Variants in ALG12 observed in about 807,000 individuals in gnomAD.
ALG12 encodes ALG12 alpha-1,6-mannosyltransferase.
In ALG12, 36 loss-of-function variants were observed where a neutral mutation model predicts 46.0. The ratio of observed to expected loss-of-function variants is 0.78; its 90% CI spans 0.60 to 1.03. The LOEUF is 1.03. ALG12 is among the 50% of genes least tolerant of loss of function. The pLI is 0.00. For synonymous variants in ALG12, 326 were observed against 291.6 expected, an observed-to-expected ratio of 1.12 and a Z score of -1.20; for missense variants, 599 against 633.5, an observed-to-expected ratio of 0.95 and a Z score of 0.58.
At chr22:49,904,579 T>C in intron 7 of ALG12, 73 bp from the exon 8 acceptor site, 1 of 1,544,048 alleles carries the variant, frequency 6.5e-7, no homozygotes, top group East Asian at 2.3e-5. Context: ...CAAAACATAC[T>C]AGGAGCATAA....
chr22:49,904,284 C>T (rs2060530910), intron 8 of ALG12, 30 bp from the exon 9 acceptor site: 1 of 1,614,064 alleles, frequency 6.2e-7, no homozygotes, highest in Admixed American at 1.7e-5. Context: ...CGTCAGAGCC[C>T]AGCCCTGCAG....
the ALG12 span, chr22:49,886,288 G>A: frequency 6.9e-7 from 1 of 1,447,536 alleles, no homozygotes; most frequent in Non-Finnish European, 9.5e-7. The surrounding 1 kb of genome is among the most constrained non-coding windows in gnomAD (Gnocchi z 7.7). Context: ...GCTGCAGAGG[G>A]AGTACGCGCT....
At chr22:49,870,639 G>C in the ALG12 span, among the ~76,000 whole-genome samples, 1 of 152,006 alleles carries the variant, frequency 6.6e-6, no homozygotes, top group African/African-American at 2.4e-5. Context: ...AGAAGTATCT[G>C]TTCATGTCCT....
At chr22:49,915,882 G>A (rs2060606502) in intron 1 of ALG12, among the ~76,000 whole-genome samples, 1 of 152,236 alleles carries the variant, frequency 6.6e-6, no homozygotes, top group Non-Finnish European at 1.5e-5. Flanking sequence ...CTGCCGCACA[G>A]TAGGCACTCA....
chr22:49,889,061 C>T, the ALG12 span: 1 of 167,264 alleles, frequency 6.0e-6, no homozygotes, highest in Admixed American at 6.5e-5. Context: ...GCCAGCACAA[C>T]TAACTGTAGC....
rs1336412644 is a variant in ALG12, at chr22:49,900,964, G to A, written c.*2874C>T. On this transcript the variant is annotated 3_prime_UTR_variant, in exon 10 of 10. Transcript: ENST00000330817. ...ACCAAAGGGAGCCAAGACCCACAGAGCAATGGCCGAGGCCAGAGGCCCAAG... is the reference window on the plus strand; with the variant it reads ...ACCAAAGGGAGCCAAGACCCACAGAACAATGGCCGAGGCCAGAGGCCCAAG... The A allele has an allele frequency of 6.6e-6, 1 of 152,276 alleles. No homozygotes were observed. Among genetic ancestry groups the A allele is most frequent in the East Asian group, 1.9e-4 (1 of 5,204 alleles). 9.4% of individuals were successfully genotyped at this position (152,276 alleles called of 1,614,324 possible). A position where few individuals can be genotyped will look rare whatever the true frequency, so the allele number is the denominator to read the frequency against.
At chr22:49,884,106 C>T in the ALG12 span, 64 of 1,613,332 alleles carry the variant, frequency 4.0e-5, no homozygotes, top group African/African-American at 6.8e-4. Flanking sequence ...GAGGCAAAAA[C>T]GAGAAAGACT....
At chr22:49,887,209 G>A in the ALG12 span, 59 of 1,576,134 alleles carry the variant, frequency 3.7e-5, no homozygotes, top group African/African-American at 6.8e-5. Flanking sequence ...GGCCAGAGGC[G>A]TGGCTGCCCC....
At chr22:49,871,764 T>TTA in the ALG12 span, among the ~76,000 whole-genome samples, 1 of 150,342 alleles carries the variant, frequency 6.7e-6, no homozygotes, top group Non-Finnish European at 1.5e-5. Flanking sequence ...TTTATTTTTT[T>TTA]TTTTTTTTGA....
intron 1 of ALG12, among the ~76,000 whole-genome samples, chr22:49,915,757 C>G (rs1225030728): frequency 6.6e-6 from 1 of 152,148 alleles, no homozygotes; most frequent in Non-Finnish European, 1.5e-5. Context: ...AGCCTCAGCA[C>G]CAAGGACAGA....
At chr22:49,908,410 C>G (rs935182869) in intron 6 of ALG12, among the ~76,000 whole-genome samples, 1 of 143,828 alleles carries the variant, frequency 7.0e-6, no homozygotes. Flanking sequence ...TGCCTGTAAT[C>G]CCAGCTACTC....
In ALG12 at chr22:49,906,430, A is replaced by G. The variant is rs7410291; in HGVS notation, c.992+1291T>C. 0.36 allele frequency among the ~76,000 whole-genome samples: 54,414 copies of G among 151,980 alleles called. 13,900 individuals carry two copies. Among genetic ancestry groups the G allele is most frequent in the African/African-American group, 0.73 (30,210 of 41,420 alleles). Reference sequence around the variant, plus strand: ...CCACTGAGGCGCGGCTACAGCAGCCAGAGGAGCCCCCAACCCAGGCACGGC... The same window carrying G: ...CCACTGAGGCGCGGCTACAGCAGCCGGAGGAGCCCCCAACCCAGGCACGGC... On this transcript the variant is annotated intron_variant, in intron 7 of 9. Coordinates refer to ENST00000330817, the MANE Select transcript of ALG12 (RefSeq NM_024105.4). This position sits in a 1 kb window ranked among gnomAD's most constrained non-coding sequence, Gnocchi z 4.4.
At position 49,904,039 on chromosome 22, in the gene ALG12, C is replaced by A. The variant is rs771112093; in HGVS notation, c.1266G>T (p.Pro422=). The A allele has an allele frequency of 6.2e-7, 1 of 1,614,176 alleles. No homozygotes were observed. Among genetic ancestry groups the A allele is most frequent in the Non-Finnish European group, 8.5e-7 (1 of 1,179,992 alleles). The change falls in exon 10 of 10, where the codon CCG becomes CCT. Residue 422 remains proline (P), a synonymous_variant. Transcript: ENST00000330817. ...WRYDKREDVQ[P]GTGMLAYTHI... ...GTGTGTATGCCAGCATGCCTGTCCC[C>A]GGCTGCACATCCTCCCTCTTGTCGT...
At chr22:49,899,258 C>G (rs2060494665), downstream of ALG12, among the ~76,000 whole-genome samples, 1 of 152,078 alleles carries the variant, frequency 6.6e-6, no homozygotes, top group South Asian at 2.1e-4. Flanking sequence ...GAGTGGATCA[C>G]TCAGTCAGGA....
intron 7 of ALG12, among the ~76,000 whole-genome samples, chr22:49,907,088 C>T (rs2060546514): frequency 1.3e-5 from 2 of 152,162 alleles, no homozygotes; most frequent in South Asian, 4.1e-4. Context: ...GGGCCCTCTG[C>T]ACCCAGCCAT....
chr22:49,909,710 A>G (rs1007455098), intron 5 of ALG12, among the ~76,000 whole-genome samples, 184 bp downstream of exon 5: 4 of 152,214 alleles, frequency 2.6e-5, no homozygotes, highest in Non-Finnish European at 5.9e-5. Context: ...GGGGCTCCTA[A>G]GGCGCACGGT....
downstream of ALG12, among the ~76,000 whole-genome samples, chr22:49,898,958 C>CA (rs916817654): frequency 0.01 from 1,482 of 142,428 alleles, 15 homozygotes; most frequent in African/African-American, 0.035. Context: ...TATTCATAGA[C>CA]AAAAAAAAAA....
intron 1 of ALG12, among the ~76,000 whole-genome samples, chr22:49,916,603 G>T (rs547459314): frequency 9.7e-4 from 148 of 152,244 alleles, no homozygotes; most frequent in African/African-American, 2.1e-3. Flanking sequence ...TAGGAAGCAA[G>T]CCGGATGTGT....
the ALG12 span, among the ~76,000 whole-genome samples, chr22:49,875,206 T>A: frequency 1.3e-5 from 2 of 152,224 alleles, no homozygotes; most frequent in African/African-American, 2.4e-5. Flanking sequence ...TTTCTTCCTT[T>A]ATTTTCTGGA....
Sources: gnomAD v4.1 joint callset for allele counts (sites outside exome capture counted in the v4.1 genomes callset) on GRCh38, gnomAD v4.1.1 for gene constraint, Gnocchi (gnomAD v3.1) non-coding constraint, MANE v1.5 for transcripts, NCBI Gene and HGNC (gene_info 2026-07-23, HGNC 2026-07-21) for gene names.